The following RTL4 variants were observed in gnomAD, a reference collection of about 807,000 sequenced individuals.
The protein encoded by RTL4 is retrotransposon Gag like 4, also known as retrotransposon Gag-like protein 4.
RTL4 carries 4 observed loss-of-function variants against 5.3 expected under a neutral mutation model. The observed-to-expected ratio is 0.75, with a 90% CI of 0.37 to 1.72. The LOEUF is 1.72. Among genes scored for constraint, RTL4 ranks in the 40% most tolerant of loss-of-function variants. RTL4 has a pLI of 0.04. For synonymous variants in RTL4, 98 were observed against 87.3 expected (o/e 1.12, Z -0.68); for missense variants, 260 against 227.1 (o/e 1.14, Z -0.93).
the RTL4 span, among the ~76,000 whole-genome samples, chrX:112,157,906 A>C: frequency 9.1e-6 from 1 of 110,350 alleles, no homozygotes; most frequent in African/African-American, 3.3e-5. Flanking sequence ...CTGTTTAAAA[A>C]CTCACCTTTG....
At chrX:112,367,270 A>C in the RTL4 span, among the ~76,000 whole-genome samples, 2 of 111,783 alleles carry the variant, frequency 1.8e-5, no homozygotes, top group African/African-American at 6.5e-5. Context: ...ATTAGTGTCA[A>C]TCATGATGAC....
upstream of RTL4, among the ~76,000 whole-genome samples, chrX:112,454,252 CATA>C (rs1926792603): frequency 8.9e-6 from 1 of 111,742 alleles, no homozygotes; most frequent in Non-Finnish European, 1.9e-5. Context: ...CAAAAAATCT[CATA>C]ATGTTTTAAG....
At chrX:112,215,433 T>C in the RTL4 span, among the ~76,000 whole-genome samples, 1 of 112,242 alleles carries the variant, frequency 8.9e-6, no homozygotes, top group African/African-American at 3.2e-5. Flanking sequence ...TTTCATATGA[T>C]TATCTGTGTT....
the RTL4 span, among the ~76,000 whole-genome samples, chrX:112,102,542 T>C: frequency 1.6e-3 from 174 of 111,460 alleles, 2 homozygotes; most frequent in Admixed American, 0.014. Flanking sequence ...GAAAGAGAAA[T>C]TTTAGTTGTT....
chrX:112,304,560 C>T, the RTL4 span, among the ~76,000 whole-genome samples: 8 of 106,795 alleles, frequency 7.5e-5, no homozygotes, highest in African/African-American at 2.4e-4. Flanking sequence ...TGGGGGATGT[C>T]ATCAACATAT....
chrX:112,266,428 G>A, the RTL4 span, among the ~76,000 whole-genome samples: 5 of 110,501 alleles, frequency 4.5e-5, no homozygotes, highest in Non-Finnish European at 9.5e-5. Context: ...CACATAAAAA[G>A]CCTATGACAA....
the RTL4 span, among the ~76,000 whole-genome samples, chrX:112,383,319 G>C: frequency 9.7e-3 from 1,075 of 111,181 alleles, 14 homozygotes; most frequent in African/African-American, 0.033. Context: ...TTTTAACATG[G>C]GTCCTCTATG....
chrX:112,110,677 C>A, the RTL4 span, among the ~76,000 whole-genome samples: 1 of 112,375 alleles, frequency 8.9e-6, no homozygotes, highest in South Asian at 3.7e-4. Context: ...GTATAGATGA[C>A]TCCTTCCTGA....
the RTL4 span, among the ~76,000 whole-genome samples, chrX:112,241,624 A>C: frequency 1.9e-4 from 21 of 111,531 alleles, no homozygotes; most frequent in Non-Finnish European, 7.5e-5. Context: ...CATTGCACAA[A>C]TTTTCTCCCA....
the RTL4 span, among the ~76,000 whole-genome samples, chrX:112,159,868 C>T: frequency 9.0e-6 from 1 of 111,086 alleles, no homozygotes; most frequent in Non-Finnish European, 1.9e-5. Context: ...ACACTTGCAA[C>T]GCTCTTTCCC....
At chrX:112,332,234 G>T in the RTL4 span, among the ~76,000 whole-genome samples, 2 of 110,724 alleles carry the variant, frequency 1.8e-5, no homozygotes, top group East Asian at 5.7e-4. Flanking sequence ...ACTGTTGGTG[G>T]GACTGTAAAC....
At chrX:112,219,836 C>T in the RTL4 span, among the ~76,000 whole-genome samples, 2 of 112,065 alleles carry the variant, frequency 1.8e-5, no homozygotes, top group Non-Finnish European at 3.8e-5. Context: ...GGTCTAGAGC[C>T]TCTGCCCCTT....
the RTL4 span, among the ~76,000 whole-genome samples, chrX:112,396,509 CT>C: frequency 2.7e-5 from 3 of 110,575 alleles, no homozygotes; most frequent in African/African-American, 9.9e-5. Context: ...ATCCATGGAG[CT>C]TTTTATTTGG....
chrX:112,250,711 C>T, the RTL4 span, among the ~76,000 whole-genome samples: 3 of 112,005 alleles, frequency 2.7e-5, no homozygotes, highest in Admixed American at 9.5e-5. Flanking sequence ...ACGTATTTAA[C>T]GTCATAAAAG....
the RTL4 span, among the ~76,000 whole-genome samples, chrX:112,404,150 G>A: frequency 4.0e-4 from 44 of 111,165 alleles, 1 homozygote; most frequent in Middle Eastern, 0.019. Context: ...CTGTTTATGT[G>A]GGGCATGGGC....
At chrX:112,456,046 C>A (rs1038509185) in exon 1 of RTL4, 1 of 281,644 alleles carries the variant, frequency 3.6e-6, no homozygotes, top group African/African-American at 2.8e-5. Flanking sequence ...ATCTTGTGTG[C>A]CTAGAAATGA....
the RTL4 span, among the ~76,000 whole-genome samples, chrX:112,330,858 C>G: frequency 1.5e-4 from 16 of 108,389 alleles, no homozygotes; most frequent in African/African-American, 2.1e-4. Flanking sequence ...CACCGCATAT[C>G]TACAACTATC....
the RTL4 span, among the ~76,000 whole-genome samples, chrX:112,164,268 G>A: frequency 2.7e-5 from 3 of 111,280 alleles, no homozygotes; most frequent in Admixed American, 9.6e-5. Flanking sequence ...CTTCCCACAG[G>A]TATCCCAGCC....
the RTL4 span, among the ~76,000 whole-genome samples, chrX:112,281,552 T>A: frequency 9.0e-6 from 1 of 111,322 alleles, no homozygotes. Context: ...TCTGTTTTTT[T>A]AAGGAACCTC....
Sources: allele counts gnomAD v4.1 joint callset (sites outside exome capture counted in the v4.1 genomes callset), GRCh38; gene constraint gnomAD v4.1.1; transcripts MANE v1.5; gene names NCBI Gene and HGNC (gene_info 2026-07-23, HGNC 2026-07-21).